Variants in RELL1 observed in about 807,000 individuals in gnomAD.
The protein encoded by RELL1 is RELT-like protein 1.
In RELL1, 10 loss-of-function variants were observed where a neutral mutation model predicts 23.0. The observed-to-expected ratio is 0.43, with a 90% CI of 0.27 to 0.74. The LOEUF (loss-of-function observed/expected upper bound fraction) is 0.74, where lower values mean the gene tolerates loss of function less well. Ranked by LOEUF, RELL1 falls within the 30% of genes least tolerant of loss-of-function variation. RELL1 has a pLI of 0.19. For synonymous variants in RELL1, 146 were observed against 146.8 expected (o/e 0.99, Z 0.04); for missense variants, 315 against 364.4 (o/e 0.86, Z 1.10).
At chr4:37,667,825 A>G (rs1444200435) in intron 1 of RELL1, among the ~76,000 whole-genome samples, 1 of 152,154 alleles carries the variant, frequency 6.6e-6, no homozygotes, top group African/African-American at 2.4e-5. Context: ...ATCTACATAT[A>G]ACACTGATGA....
chr4:37,610,606 T>A (rs1169971762), downstream of RELL1, among the ~76,000 whole-genome samples: 1 of 152,218 alleles, frequency 6.6e-6, no homozygotes, highest in Non-Finnish European at 1.5e-5. This position sits in a 1 kb window ranked among gnomAD's most constrained non-coding sequence, Gnocchi z 4.1. Context: ...AAGGCGCCAA[T>A]AATTGGATCA....
chr4:37,659,603 C>T (rs956222173), intron 1 of RELL1, among the ~76,000 whole-genome samples: 5 of 152,134 alleles, frequency 3.3e-5, no homozygotes, highest in Admixed American at 1.3e-4. Flanking sequence ...TTGCCACCAG[C>T]TACCTCTGTG....
chr4:37,612,564 G>A lies in RELL1; in HGVS notation c.*782C>T, dbSNP rs1170581188. On this transcript the variant is annotated 3_prime_UTR_variant, in exon 7 of 7. Transcript: ENST00000454158. ...GGCAGGAGAATCGCTTGAACCTGGG[G>A]AGGTGGAGATTGAGGTGAGTGGAGA... Among the ~76,000 whole-genome samples the A allele has an allele frequency of 6.7e-6, 1 of 150,344 alleles. No homozygotes were observed. Among genetic ancestry groups the A allele is most frequent in the Non-Finnish European group, 1.5e-5 (1 of 67,686 alleles).
At position 37,661,025 on chromosome 4, in the gene RELL1, T is replaced by C. The variant is rs372378799; in HGVS notation, c.89-11525A>G. Among the ~76,000 whole-genome samples, 34 of 149,824 alleles carry C rather than the reference T, an allele frequency of 2.3e-4. No homozygotes were observed. The East Asian group carries it at 5.2e-3, about 23-fold the overall frequency. ...CAGCCTGGGTGACAGAGTGAGACTC[T>C]GTCTCAAAAAAAAAAAACAAAAAAC... On this transcript the variant is annotated intron_variant, in intron 1 of 6. Transcript: ENST00000454158.
chr4:37,658,479 A>G (rs892274783), intron 1 of RELL1, among the ~76,000 whole-genome samples: 3 of 152,236 alleles, frequency 2.0e-5, no homozygotes, highest in Non-Finnish European at 4.4e-5. Flanking sequence ...CAGTAAACCT[A>G]TAAAATGGTT....
intron 6 of RELL1, among the ~76,000 whole-genome samples, chr4:37,599,075 T>G (rs1718951603): frequency 6.6e-6 from 1 of 152,192 alleles, no homozygotes; most frequent in South Asian, 2.1e-4. Flanking sequence ...AATCAAAATG[T>G]GAGACAACCC....
intron 6 of RELL1, among the ~76,000 whole-genome samples, chr4:37,595,763 A>C (rs1718816797): frequency 6.6e-6 from 1 of 152,140 alleles, no homozygotes; most frequent in Non-Finnish European, 1.5e-5. Flanking sequence ...CAGCTGCTGA[A>C]GGTTTGGTCT....
intron 6 of RELL1, among the ~76,000 whole-genome samples, chr4:37,602,511 C>T (rs893898161): frequency 3.3e-5 from 5 of 151,920 alleles, no homozygotes; most frequent in African/African-American, 4.8e-5. Context: ...AGCAACTGGC[C>T]GGCTCAACTC....
chr4:37,683,114 C>T (rs1240150434), intron 1 of RELL1, among the ~76,000 whole-genome samples: 2 of 152,186 alleles, frequency 1.3e-5, no homozygotes, highest in Non-Finnish European at 2.9e-5. Context: ...CCCTTCTTTT[C>T]TCTACTTGAC....
intron 6 of RELL1, among the ~76,000 whole-genome samples, chr4:37,621,138 A>G (rs77180229): frequency 0.094 from 14,351 of 152,238 alleles, 782 homozygotes; most frequent in East Asian, 0.26. Context: ...TAATGTTAGT[A>G]GAACTCAAGG....
In RELL1 at chr4:37,612,038, G is replaced by C. The variant is rs943441752; in HGVS notation, c.*1308C>G. 6.6e-6 allele frequency among the ~76,000 whole-genome samples: 1 copy of C among 152,050 alleles called. No individual in the cohort carries two copies. Among genetic ancestry groups the C allele is most frequent in the Admixed American group, 6.5e-5 (1 of 15,282 alleles). Reference sequence around the variant, plus strand: ...AAAATACAAAAAAAATAAGCCAAGCGTGGTGGTGGGCACCTGTAGTCCCAG... The same window carrying C: ...AAAATACAAAAAAAATAAGCCAAGCCTGGTGGTGGGCACCTGTAGTCCCAG... On this transcript the variant is annotated 3_prime_UTR_variant, in exon 7 of 7. Transcript: ENST00000454158.
chr4:37,674,603 C>G (rs555064581), intron 1 of RELL1, among the ~76,000 whole-genome samples: 75 of 152,338 alleles, frequency 4.9e-4, no homozygotes, highest in African/African-American at 1.6e-3. Flanking sequence ...TAGCCATCTG[C>G]CACTTCACCA....
intron 1 of RELL1, among the ~76,000 whole-genome samples, chr4:37,680,575 A>C (rs1722181455): frequency 6.6e-6 from 1 of 152,232 alleles, no homozygotes; most frequent in East Asian, 1.9e-4. Context: ...TGAAAAAGTC[A>C]TGATACAAAG....
rs978165271 is a variant in RELL1 at position 37,612,636 on chromosome 4, C to CAAAAAAAAAAAAAAAAAAA, written c.*691_*709dup. ...TAGGGGACACAGCGAGACTCTGCCT[C>CAAAAAAAAAAAAAAAAAAA]AAAAAAAAAAAAAAAAAAACCTTCT... On this transcript the variant is annotated 3_prime_UTR_variant, in exon 7 of 7. Coordinates refer to ENST00000454158, the MANE Select transcript of RELL1 (RefSeq NM_001085400.2). Among the ~76,000 whole-genome samples the CAAAAAAAAAAAAAAAAAAA allele has an allele frequency of 1.7e-5, 1 of 60,170 alleles. No individual in the cohort carries two copies. The highest frequency in any genetic ancestry group is 5.6e-5 in the African/African-American group (1 of 18,008). The allele number at this position is 60,170 out of a possible 152,430, so 39.5% of individuals were successfully genotyped here.
chr4:37,638,157 C>T (rs990642419), intron 4 of RELL1, among the ~76,000 whole-genome samples: 2 of 152,202 alleles, frequency 1.3e-5, no homozygotes, highest in African/African-American at 4.8e-5. Context: ...CCAGGAGTGA[C>T]TGTCCCCACT....
At chr4:37,630,356 G>GT (rs59763359) in intron 6 of RELL1, among the ~76,000 whole-genome samples, 15,338 of 86,682 alleles carry the variant, frequency 0.18, 4,037 homozygotes, top group African/African-American at 0.25. Context: ...TGTGTGTGTG[G>GT]TTTTTTTTTT....
downstream of RELL1, among the ~76,000 whole-genome samples, chr4:37,589,397 G>A (rs1718480888): frequency 6.6e-6 from 1 of 151,952 alleles, no homozygotes; most frequent in South Asian, 2.1e-4. Context: ...GTGATGTTTG[G>A]CTTTATTCAA....
chr4:37,680,950 A>G (rs931135275), intron 1 of RELL1, among the ~76,000 whole-genome samples: 2 of 151,150 alleles, frequency 1.3e-5, no homozygotes, highest in Non-Finnish European at 2.9e-5. Context: ...AAAAAAAAAA[A>G]AAATGCAATT....
Position 37,631,402 on chromosome 4 carries a change from T to G in RELL1, c.802A>C (p.Ser268Arg). Residue 268 changes from serine (S) to arginine (R), a missense_variant, in exon 6 of 7, where the codon AGT becomes CGT. Ser to Arg is a moderately radical substitution (Grantham distance 110, BLOSUM62 -1). Transcript: ENST00000454158. ...CGGCTCACCTGCTACTCTGTGCCACTGCGTTCTCTCTTCACAGGTGTTGCC... is the reference window on the plus strand; with the variant it reads ...CGGCTCACCTGCTACTCTGTGCCACGGCGTTCTCTCTTCACAGGTGTTGCC... ...VPATPVKRER[S>R]GTE 6.2e-7 allele frequency: 1 copy of G among 1,613,942 alleles called. No individual in the cohort carries two copies.
Sources: allele counts gnomAD v4.1 joint callset (sites outside exome capture counted in the v4.1 genomes callset), GRCh38; gene constraint gnomAD v4.1.1; non-coding constraint Gnocchi (gnomAD v3.1); transcripts MANE v1.5; gene names NCBI Gene and HGNC (gene_info 2026-07-23, HGNC 2026-07-21).